Variants in FSTL5 observed in about 807,000 individuals in gnomAD.
FSTL5 encodes follistatin-related protein 5.
Under a neutral mutation model 89.1 loss-of-function variants are expected in FSTL5, and 62 were observed. The ratio of observed to expected loss-of-function variants is 0.70; its 90% CI spans 0.57 to 0.86. The LOEUF (loss-of-function observed/expected upper bound fraction) is 0.86, where lower values mean the gene tolerates loss of function less well. Among genes scored for constraint, FSTL5 ranks in the 40% least tolerant of loss-of-function variants. FSTL5 has a pLI of 0.00. For missense variants in FSTL5, 1,057 were observed against 1,001.6 expected, an observed-to-expected ratio of 1.06 and a Z score of -0.75; for synonymous variants, 383 against 346.2, an observed-to-expected ratio of 1.11 and a Z score of -1.18.
chr4:161,386,535 A>T, intron 15 of FSTL5, 86 bp from the exon 16 acceptor site: 1 of 859,580 alleles, frequency 1.2e-6, no homozygotes, highest in Non-Finnish European at 1.8e-6. Flanking sequence ...GGAAAGGTCC[A>T]TCGCAGGCTC....
chr4:161,693,323 T>C (rs768583269), intron 6 of FSTL5, among the ~76,000 whole-genome samples: 1 of 152,162 alleles, frequency 6.6e-6, no homozygotes, highest in Non-Finnish European at 1.5e-5. Flanking sequence ...TTACAGAAAA[T>C]ATTATGATGT....
chr4:161,855,575 CAT>C (rs10540387), intron 4 of FSTL5, among the ~76,000 whole-genome samples: 105,112 of 151,582 alleles, frequency 0.69, 36,873 homozygotes, highest in Non-Finnish European at 0.75. Context: ...AAGTAGGTAC[CAT>C]ATTTGGTCCT....
intron 10 of FSTL5, among the ~76,000 whole-genome samples, chr4:161,516,543 A>G (rs529324100): frequency 6.8e-6 from 1 of 146,528 alleles, no homozygotes; most frequent in Admixed American, 6.9e-5. Context: ...ATTTACATAT[A>G]GTAAATTATA....
chr4:161,510,162 G>C (rs565146089), intron 11 of FSTL5, among the ~76,000 whole-genome samples: 18 of 152,108 alleles, frequency 1.2e-4, no homozygotes, highest in Non-Finnish European at 2.1e-4. Context: ...TACTTTTAAA[G>C]TATTTCAATA....
intron 4 of FSTL5, among the ~76,000 whole-genome samples, chr4:161,902,104 T>C (rs1733384262): frequency 2.6e-5 from 4 of 152,228 alleles, no homozygotes; most frequent in African/African-American, 7.2e-5. Flanking sequence ...TTCCTTAAAA[T>C]ACTTACCAAC....
intron 4 of FSTL5, among the ~76,000 whole-genome samples, chr4:161,779,759 T>TATATATA (rs1741554162): frequency 3.2e-5 from 1 of 31,184 alleles, no homozygotes; most frequent in African/African-American, 2.1e-4. Context: ...ATTTGTAAAG[T>TATATATA]TATATATATA....
intron 4 of FSTL5, among the ~76,000 whole-genome samples, chr4:161,897,087 C>T (rs533722629): frequency 5.9e-5 from 9 of 151,266 alleles, no homozygotes; most frequent in Non-Finnish European, 1.0e-4. Context: ...TATAGGTACC[C>T]GCCACACAAA....
chr4:161,654,127 T>G (rs897313388), intron 7 of FSTL5, among the ~76,000 whole-genome samples: 2 of 152,148 alleles, frequency 1.3e-5, no homozygotes, highest in Admixed American at 1.3e-4. Flanking sequence ...TCCAAAAATT[T>G]TGAATTTCTG....
intron 6 of FSTL5, among the ~76,000 whole-genome samples, chr4:161,731,831 G>A (rs1330964602): frequency 1.3e-5 from 2 of 151,772 alleles, no homozygotes; most frequent in African/African-American, 2.4e-5. Flanking sequence ...ATCGGTAGTT[G>A]ATTCCTTTTT....
chr4:161,945,612 C>G (rs928133151), intron 3 of FSTL5, among the ~76,000 whole-genome samples: 1 of 151,982 alleles, frequency 6.6e-6, no homozygotes, highest in Admixed American at 6.6e-5. Flanking sequence ...ATTAGCCGGG[C>G]GTAGTGGCAT....
rs1553974283 is a variant in FSTL5 at position 161,872,142 on chromosome 4, T to TTTC, written c.409+48261_409+48262insGAA. Among the ~76,000 whole-genome samples the TTTC allele has an allele frequency of 2.9e-5, 3 of 102,618 alleles. No individual in the cohort carries two copies. In the South Asian group the frequency reaches 1.1e-3, roughly 39 times the overall value. The allele number at this position is 102,618 out of a possible 152,430, so 67.3% of individuals were successfully genotyped here. On this transcript the variant is annotated intron_variant, in intron 4 of 15. Transcript: ENST00000306100. ...CTTTGTAGTTTGTTTTTTTTTTTGG[T>TTTC]TTTTTTTTTTTTTTTTGTAGAGACA...
At chr4:162,006,368 C>A (rs1038185456) in intron 3 of FSTL5, among the ~76,000 whole-genome samples, 1 of 151,806 alleles carries the variant, frequency 6.6e-6, no homozygotes, top group South Asian at 2.1e-4. Context: ...TAAAAATAAC[C>A]ACCTTCCTTT....
intron 9 of FSTL5, among the ~76,000 whole-genome samples, chr4:161,539,668 A>G (rs1731750410): frequency 6.6e-6 from 1 of 152,134 alleles, no homozygotes; most frequent in Non-Finnish European, 1.5e-5. Flanking sequence ...ATACGTTTTG[A>G]AAAATGAGTG....
chr4:161,620,743 T>A (rs1578973862), intron 7 of FSTL5, among the ~76,000 whole-genome samples: 1 of 152,212 alleles, frequency 6.6e-6, no homozygotes, highest in East Asian at 1.9e-4. Context: ...AATTTAGATA[T>A]ACAGAAATGA....
At chr4:161,851,244 A>G (rs182538197) in intron 4 of FSTL5, among the ~76,000 whole-genome samples, 3 of 152,194 alleles carry the variant, frequency 2.0e-5, no homozygotes, top group Non-Finnish European at 4.4e-5. Flanking sequence ...GATTATCCTG[A>G]CACCATCTTT....
At chr4:161,422,521 A>T (rs1482987550) in intron 15 of FSTL5, among the ~76,000 whole-genome samples, 1 of 152,228 alleles carries the variant, frequency 6.6e-6, no homozygotes, top group African/African-American at 2.4e-5. Context: ...TTTTGGAATG[A>T]TCATAGAGAA....
chr4:161,609,265 T>C (rs140777724), intron 7 of FSTL5, among the ~76,000 whole-genome samples: 54 of 152,248 alleles, frequency 3.5e-4, no homozygotes, highest in African/African-American at 1.3e-3. Context: ...AAAAGTATTC[T>C]TTAAAAACAT....
At chr4:161,750,025 T>C (rs1264376666) in intron 6 of FSTL5, among the ~76,000 whole-genome samples, 1 of 152,090 alleles carries the variant, frequency 6.6e-6, no homozygotes, top group Non-Finnish European at 1.5e-5. Flanking sequence ...ATACATTTGA[T>C]GTAACTCTTT....
intron 15 of FSTL5, among the ~76,000 whole-genome samples, chr4:161,436,689 T>A (rs1212496573): frequency 6.6e-6 from 1 of 152,216 alleles, no homozygotes; most frequent in Non-Finnish European, 1.5e-5. Flanking sequence ...AATATCTGTA[T>A]CAAAACCCTT....
Sources: allele counts gnomAD v4.1 joint callset (sites outside exome capture counted in the v4.1 genomes callset), GRCh38; gene constraint gnomAD v4.1.1; transcripts MANE v1.5; gene names NCBI Gene and HGNC (gene_info 2026-07-23, HGNC 2026-07-21).